Variants in SLC30A8 observed in about 807,000 individuals in gnomAD.
SLC30A8 encodes solute carrier family 30 member 8.
SLC30A8 carries 27 observed loss-of-function variants against 36.9 expected under a neutral mutation model. The observed-to-expected ratio is 0.73, with a 90% CI of 0.54 to 1.01. The LOEUF (loss-of-function observed/expected upper bound fraction) is 1.01, where lower values mean the gene tolerates loss of function less well. Ranked by LOEUF, SLC30A8 falls within the 50% of genes least tolerant of loss-of-function variation. The probability of loss-of-function intolerance (pLI) is 0.00; values close to 1 mark genes in which losing one functional copy is unlikely to be tolerated. For synonymous variants in SLC30A8, 164 were observed against 172.4 expected (o/e 0.95, Z 0.38); for missense variants, 439 against 452.0 (o/e 0.97, Z 0.26).
intron 2 of SLC30A8, among the ~76,000 whole-genome samples, chr8:117,065,481 G>A (rs560892128): frequency 6.6e-6 from 1 of 152,134 alleles, no homozygotes; most frequent in African/African-American, 2.4e-5. Context: ...GTAAATCCCT[G>A]GCCTAAGAGT....
At chr8:117,032,997 A>G (rs1817103918) in intron 1 of SLC30A8, among the ~76,000 whole-genome samples, 1 of 152,164 alleles carries the variant, frequency 6.6e-6, no homozygotes, top group Non-Finnish European at 1.5e-5. Context: ...AACCTCTGCA[A>G]TCCTGGGCAG....
intron 1 of SLC30A8, among the ~76,000 whole-genome samples, chr8:117,030,570 C>T (rs995466924): frequency 1.3e-5 from 2 of 152,046 alleles, no homozygotes; most frequent in Non-Finnish European, 2.9e-5. Context: ...AAACTTCTGC[C>T]TGGGTGCAGT....
intron 2 of SLC30A8, among the ~76,000 whole-genome samples, chr8:117,150,069 T>C (rs976462806): frequency 2.0e-5 from 3 of 152,184 alleles, no homozygotes; most frequent in Non-Finnish European, 2.9e-5. Flanking sequence ...TGGTCAGGAA[T>C]CCATTTTATT....
intron 2 of SLC30A8, among the ~76,000 whole-genome samples, chr8:117,093,585 C>T (rs1011455787): frequency 1.3e-5 from 2 of 152,006 alleles, no homozygotes; most frequent in Non-Finnish European, 2.9e-5. Context: ...ATTATTCACT[C>T]AACTGTTTTT....
chr8:116,972,463 A>G (rs1051540958), intron 1 of SLC30A8, among the ~76,000 whole-genome samples: 1 of 152,212 alleles, frequency 6.6e-6, no homozygotes, highest in Non-Finnish European at 1.5e-5. Context: ...GATGGTTAGG[A>G]CCATGGGAAG....
chr8:117,109,242 T>TG (rs1200621228), intron 2 of SLC30A8, among the ~76,000 whole-genome samples: 2 of 152,066 alleles, frequency 1.3e-5, no homozygotes, highest in African/African-American at 4.8e-5. Context: ...GTTATTATAA[T>TG]GGGGTAGGCA....
chr8:117,114,910 T>G (rs1820380572), intron 2 of SLC30A8, among the ~76,000 whole-genome samples: 1 of 151,932 alleles, frequency 6.6e-6, no homozygotes, highest in African/African-American at 2.4e-5. Flanking sequence ...TCTCTCTCTC[T>G]CTTTCTGTCT....
At chr8:116,970,185 GAC>G (rs1426739864) in intron 1 of SLC30A8, among the ~76,000 whole-genome samples, 1 of 151,630 alleles carries the variant, frequency 6.6e-6, no homozygotes, top group Non-Finnish European at 1.5e-5. Context: ...AAAAAACCAA[GAC>G]ACAAACACAT....
chr8:117,176,493 TCC>T lies in SLC30A8; in HGVS notation c.*3814_*3815del, dbSNP rs1823696088. ...CAAATGTCATCTCTGAATACACACA[TCC>T]CAAGCTTTACAAATCCTGCCTGGCT... On this transcript the variant is annotated 3_prime_UTR_variant, in exon 8 of 8. Coordinates refer to ENST00000456015, the MANE Select transcript of SLC30A8 (RefSeq NM_173851.3). The T allele has an allele frequency of 1.3e-5, 2 of 152,358 alleles. No individual in the cohort carries two copies. The highest frequency in any genetic ancestry group is 4.8e-5 in the African/African-American group (2 of 41,392). The allele number at this position is 152,358 out of a possible 1,614,324, so 9.4% of individuals were successfully genotyped here.
intron 2 of SLC30A8, among the ~76,000 whole-genome samples, chr8:117,062,460 G>GA (rs1818047402): frequency 6.6e-6 from 1 of 152,136 alleles, no homozygotes. Context: ...GAGCGGGGAA[G>GA]GTGTTTTTTA....
intron 1 of SLC30A8, among the ~76,000 whole-genome samples, chr8:116,958,500 C>T (rs934366798): frequency 3.9e-5 from 6 of 152,222 alleles, no homozygotes; most frequent in African/African-American, 1.4e-4. Context: ...GATGATTCTT[C>T]ACTGTCTCTT....
At chr8:117,108,053 A>G (rs538855030) in intron 2 of SLC30A8, among the ~76,000 whole-genome samples, 7 of 152,310 alleles carry the variant, frequency 4.6e-5, no homozygotes, top group Non-Finnish European at 1.0e-4. Context: ...TATCAATATC[A>G]TTTGATACTT....
chr8:117,114,914 T>A (rs1351800516), intron 2 of SLC30A8, among the ~76,000 whole-genome samples: 1 of 151,952 alleles, frequency 6.6e-6, no homozygotes, highest in African/African-American at 2.4e-5. Flanking sequence ...TCTCTCTCTT[T>A]CTGTCTTAGA....
intron 2 of SLC30A8, among the ~76,000 whole-genome samples, chr8:117,113,086 A>G (rs892662873): frequency 4.6e-5 from 7 of 152,124 alleles, no homozygotes; most frequent in African/African-American, 1.7e-4. Flanking sequence ...TTGCTACTCA[A>G]ATTGTGGTGA....
Position 117,157,675 on chromosome 8 carries a change from G to A in SLC30A8, c.419-16G>A, listed in dbSNP as rs1291203654. Reference sequence around the variant, plus strand: ...GTTATCTGTGTGTGGGTTTCTGTGTGTGTTTGAATTCCTAGAGATCCTTGG... The same window carrying A: ...GTTATCTGTGTGTGGGTTTCTGTGTATGTTTGAATTCCTAGAGATCCTTGG... On this transcript the variant is annotated splice_polypyrimidine_tract_variant and intron_variant, in intron 3 of 7. Coordinates refer to ENST00000456015, the MANE Select transcript of SLC30A8 (RefSeq NM_173851.3). The A allele has an allele frequency of 6.2e-7, 1 of 1,613,866 alleles. No homozygotes were observed. The highest frequency in any genetic ancestry group is 8.5e-7 in the Non-Finnish European group (1 of 1,179,836).
In SLC30A8 at chr8:117,047,083, G is replaced by A. The variant is rs375765336; in HGVS notation, c.-226+7825G>A. On this transcript the variant is annotated intron_variant, in intron 2 of 10. Coordinates refer to the SLC30A8 transcript ENST00000427715. The stretch of plus-strand genomic sequence containing the variant: ...TAGTCACTGTGGATGAGTGGGAGAC[G>A]GGATCTCGGATCACAGGAATGGAAA... Among the ~76,000 whole-genome samples the A allele has an allele frequency of 2.7e-4, 41 of 152,238 alleles. No individual in the cohort carries two copies. The South Asian group carries it at 7.7e-3, about 29-fold the overall frequency.
chr8:116,963,030 A>G lies in SLC30A8; in HGVS notation c.-266+11911A>G, dbSNP rs539856417. On this transcript the variant is annotated intron_variant, in intron 1 of 10. Coordinates refer to the SLC30A8 transcript ENST00000427715. ...CTGGTAGTTTGGTGAAATTAAAGAG[A>G]GAGAAACACGCAGCTCAGTTGGCCT... Among the ~76,000 whole-genome samples, 9 of 152,018 alleles carry G rather than the reference A, an allele frequency of 5.9e-5. No individual in the cohort carries two copies. In the South Asian group the frequency reaches 1.5e-3, roughly 25 times the overall value.
At chr8:116,952,043 G>A (rs1814012653) in intron 1 of SLC30A8, among the ~76,000 whole-genome samples, 1 of 152,268 alleles carries the variant, frequency 6.6e-6, no homozygotes, top group East Asian at 1.9e-4. Context: ...GCGTTTTGGA[G>A]CATAGCCAAG....
intron 2 of SLC30A8, among the ~76,000 whole-genome samples, chr8:117,052,588 C>A (rs1331912212): frequency 6.6e-6 from 1 of 152,162 alleles, no homozygotes; most frequent in Admixed American, 6.5e-5. Context: ...AGGATTTGTT[C>A]ATTTCAGAAA....
Sources: allele counts gnomAD v4.1 joint callset (sites outside exome capture counted in the v4.1 genomes callset), GRCh38; gene constraint gnomAD v4.1.1; transcripts MANE v1.5; gene names NCBI Gene and HGNC (gene_info 2026-07-23, HGNC 2026-07-21).